FSTL4: variants seen among roughly 807,000 people sequenced by gnomAD.
FSTL4 encodes follistatin like 4, also known as follistatin-related protein 4.
In FSTL4, 28 loss-of-function variants were observed where a neutral mutation model predicts 78.2. That is an observed-to-expected ratio of 0.36 (90% CI 0.27 to 0.49). The LOEUF (loss-of-function observed/expected upper bound fraction) is 0.49, where lower values mean the gene tolerates loss of function less well. Ranked by LOEUF, FSTL4 falls within the 20% of genes least tolerant of loss-of-function variation. The pLI, the probability that FSTL4 is intolerant of heterozygous loss-of-function variation, is 0.98. For synonymous variants in FSTL4, 422 were observed against 440.5 expected, an observed-to-expected ratio of 0.96 and a Z score of 0.53; for missense variants, 922 against 1,084.9, an observed-to-expected ratio of 0.85 and a Z score of 2.11.
intron 14 of FSTL4, among the ~76,000 whole-genome samples, chr5:133,203,791 T>C (rs4533941): frequency 0.24 from 36,119 of 152,082 alleles, 5,240 homozygotes; most frequent in East Asian, 0.44. Context: ...AGGCTGTCAT[T>C]GGTCAATGTC....
the FSTL4 span, among the ~76,000 whole-genome samples, chr5:133,762,857 T>C: frequency 3.9e-5 from 6 of 152,202 alleles, no homozygotes; most frequent in African/African-American, 1.4e-4. Flanking sequence ...GGGATTTCCC[T>C]GACTCACTTG....
chr5:133,210,468 GCATTAT>G (rs141774878), intron 13 of FSTL4, among the ~76,000 whole-genome samples, 170 bp from the exon 14 acceptor site: 4,011 of 118,910 alleles, frequency 0.034, 191 homozygotes, highest in African/African-American at 0.13. Flanking sequence ...TTTCTCAGAG[GCATTAT>G]TATTATTATT....
chr5:133,778,592 T>A, the FSTL4 span, among the ~76,000 whole-genome samples: 1 of 152,168 alleles, frequency 6.6e-6, no homozygotes, highest in African/African-American at 2.4e-5. Flanking sequence ...TGTGGGATGC[T>A]GGGTGACACA....
intron 7 of FSTL4, among the ~76,000 whole-genome samples, chr5:133,234,064 AT>A (rs1751586527): frequency 3.3e-5 from 5 of 152,202 alleles, no homozygotes; most frequent in Admixed American, 3.3e-4. Flanking sequence ...AGACACATAA[AT>A]TAATGAACGT....
chr5:133,806,028 C>G, the FSTL4 span, among the ~76,000 whole-genome samples: 1 of 152,222 alleles, frequency 6.6e-6, no homozygotes, highest in Non-Finnish European at 1.5e-5. Flanking sequence ...TTGCTGGAAT[C>G]ACCCCAGCCA....
chr5:133,228,765 T>C (rs527806614), intron 8 of FSTL4, among the ~76,000 whole-genome samples: 7 of 152,318 alleles, frequency 4.6e-5, no homozygotes, highest in African/African-American at 1.7e-4. Context: ...CAATGCAGAA[T>C]ATCTCTATAA....
chr5:133,648,444 G>C, the FSTL4 span, among the ~76,000 whole-genome samples: 1 of 152,156 alleles, frequency 6.6e-6, no homozygotes, highest in South Asian at 2.1e-4. Context: ...TCCAGGGCTG[G>C]GCTCAGGGTA....
At chr5:133,560,322 G>A (rs1255255533) in intron 3 of FSTL4, among the ~76,000 whole-genome samples, 1 of 152,164 alleles carries the variant, frequency 6.6e-6, no homozygotes, top group African/African-American at 2.4e-5. Flanking sequence ...TATCTGTAAT[G>A]CTTAAGGATG....
At chr5:133,325,670 A>G (rs1230474604) in intron 4 of FSTL4, among the ~76,000 whole-genome samples, 2 of 152,146 alleles carry the variant, frequency 1.3e-5, no homozygotes, top group Non-Finnish European at 2.9e-5. Flanking sequence ...AACCAGACAC[A>G]GGCCATCCCT....
intron 3 of FSTL4, among the ~76,000 whole-genome samples, chr5:133,560,940 T>G (rs1482034014): frequency 1.3e-5 from 2 of 150,686 alleles, no homozygotes; most frequent in Admixed American, 6.6e-5. Flanking sequence ...TACAAAAACT[T>G]TAGCCGGGCA....
intron 7 of FSTL4, among the ~76,000 whole-genome samples, chr5:133,239,812 T>C (rs1026147373): frequency 2.0e-5 from 3 of 152,160 alleles, no homozygotes; most frequent in Non-Finnish European, 4.4e-5. Flanking sequence ...GTGGGGACCG[T>C]GGAGAACTTT....
At chr5:133,395,260 C>G (rs753134356) in intron 4 of FSTL4, among the ~76,000 whole-genome samples, 1 of 152,186 alleles carries the variant, frequency 6.6e-6, no homozygotes, top group Non-Finnish European at 1.5e-5. Context: ...TCCGCACTGC[C>G]TTAGGTCTGC....
upstream of FSTL4, among the ~76,000 whole-genome samples, chr5:133,613,279 C>G (rs905588235): frequency 6.6e-6 from 1 of 152,208 alleles, no homozygotes; most frequent in Non-Finnish European, 1.5e-5. Context: ...CATAAATGGT[C>G]ATACGTAGCC....
rs1751310690 is a variant in FSTL4 at position 133,225,817 on chromosome 5, G to A, written c.1018C>T (p.Pro340Ser). The change falls in exon 9 of 16, where the codon CCG becomes TCG. Residue 340 changes from proline (P) to serine (S), a missense_variant and splice_region_variant. Coordinates refer to ENST00000265342, the MANE Select transcript of FSTL4 (RefSeq NM_015082.2). This position sits in a 1 kb window ranked among gnomAD's most constrained non-coding sequence, Gnocchi z 4.6. ...FQTHVLQVNV[P>S]PVIRVYPESQ... ...TCTGGATAGACACGGATGACTGGCG[G>A]CACTGTGGGTGAGAGTCAGTGCTGG... The A allele has an allele frequency of 6.4e-7, 1 of 1,573,036 alleles. No individual in the cohort carries two copies. The highest frequency in any genetic ancestry group is 1.9e-5 in the Admixed American group (1 of 53,836).
At chr5:133,664,149 T>C in the FSTL4 span, among the ~76,000 whole-genome samples, 1 of 152,004 alleles carries the variant, frequency 6.6e-6, no homozygotes, top group Admixed American at 6.5e-5. Flanking sequence ...TTCCAGACAC[T>C]GGAAATATTC....
chr5:133,285,397 G>A (rs1581593251), intron 6 of FSTL4, among the ~76,000 whole-genome samples: 2 of 152,200 alleles, frequency 1.3e-5, no homozygotes, highest in African/African-American at 2.4e-5. Flanking sequence ...TCAGGTGCCA[G>A]CTGGCTGGGA....
chr5:133,454,954 AT>A (rs1454980369), intron 3 of FSTL4, among the ~76,000 whole-genome samples: 11 of 152,182 alleles, frequency 7.2e-5, no homozygotes, highest in African/African-American at 2.4e-4. Context: ...ACAAACTGAG[AT>A]CGCCTTGAGG....
At chr5:133,238,744 T>C (rs1206000632) in intron 7 of FSTL4, among the ~76,000 whole-genome samples, 3 of 152,270 alleles carry the variant, frequency 2.0e-5, no homozygotes, top group African/African-American at 7.2e-5. Flanking sequence ...ACTGGCTCCC[T>C]AGTGCTGACC....
intron 3 of FSTL4, among the ~76,000 whole-genome samples, chr5:133,418,347 G>T (rs1756622581): frequency 6.6e-6 from 1 of 151,966 alleles, no homozygotes; most frequent in South Asian, 2.1e-4. Flanking sequence ...TGACAAATTA[G>T]ATAAAATGAA....
Sources: allele counts gnomAD v4.1 joint callset (sites outside exome capture counted in the v4.1 genomes callset), GRCh38; gene constraint gnomAD v4.1.1; non-coding constraint Gnocchi (gnomAD v3.1); transcripts MANE v1.5; gene names NCBI Gene and HGNC (gene_info 2026-07-23, HGNC 2026-07-21).